The following PDE1C variants were observed in gnomAD, a reference collection of about 807,000 sequenced individuals.
PDE1C encodes the protein dual specificity calcium/calmodulin-dependent 3',5'-cyclic nucleotide phosphodiesterase 1C.
A neutral mutation model predicts 93.1 loss-of-function variants in PDE1C; 62 were observed. That is an observed-to-expected ratio of 0.67 (90% CI 0.54 to 0.82). The LOEUF (loss-of-function observed/expected upper bound fraction) is 0.82. Among genes scored for constraint, PDE1C ranks in the 40% least tolerant of loss-of-function variants. The pLI, the probability that PDE1C is intolerant of heterozygous loss-of-function variation, is 0.00. For synonymous variants in PDE1C, 325 were observed against 310.1 expected, an observed-to-expected ratio of 1.05 and a Z score of -0.50; for missense variants, 742 against 884.6, an observed-to-expected ratio of 0.84 and a Z score of 2.04.
chr7:32,321,467 C>G (rs1288809801), intron 1 of PDE1C, among the ~76,000 whole-genome samples: 1 of 152,184 alleles, frequency 6.6e-6, no homozygotes, highest in Non-Finnish European at 1.5e-5. Flanking sequence ...ATGCCCCTTA[C>G]TTTTGGGTGG....
the PDE1C span, among the ~76,000 whole-genome samples, chr7:31,625,865 A>C: frequency 1.3e-5 from 2 of 152,120 alleles, no homozygotes. Flanking sequence ...ATAAATGCTT[A>C]AAATAAAGTG....
chr7:32,247,203 T>C (rs1215459381), intron 1 of PDE1C, among the ~76,000 whole-genome samples: 1 of 152,192 alleles, frequency 6.6e-6, no homozygotes, highest in Non-Finnish European at 1.5e-5. Flanking sequence ...TTCATGAACA[T>C]GGCATGTTTG....
chr7:31,695,564 CA>C, the PDE1C span: 203 of 1,611,916 alleles, frequency 1.3e-4, no homozygotes, highest in Admixed American at 5.2e-4. Context: ...TGAGTCAGAC[CA>C]AAAAAAACCA....
the PDE1C span, among the ~76,000 whole-genome samples, chr7:31,680,998 A>G: frequency 3.3e-5 from 5 of 152,230 alleles, no homozygotes; most frequent in Non-Finnish European, 5.9e-5. Context: ...GACCTCAGGA[A>G]GTAGGGACCA....
At chr7:32,194,626 A>C in intron 2 of PDE1C, among the ~76,000 whole-genome samples, 1 of 152,160 alleles carries the variant, frequency 6.6e-6, no homozygotes, top group East Asian at 1.9e-4. Context: ...GGTTTCCTTC[A>C]ATTAATGTTT....
the PDE1C span, chr7:31,642,055 T>G: frequency 1.1e-4 from 58 of 545,230 alleles, no homozygotes; most frequent in Non-Finnish European, 1.6e-4. Context: ...TTGTTTTTTC[T>G]TCCACACAGT....
Position 31,964,151 on chromosome 7 carries a change from G to A in PDE1C, c.129-83291C>T, listed in dbSNP as rs117316815. Among the ~76,000 whole-genome samples, 65 of 152,352 alleles carry A rather than the reference G, an allele frequency of 4.3e-4. No individual in the cohort carries two copies. In the East Asian group the frequency reaches 9.7e-3, roughly 23 times the overall value. On this transcript the variant is annotated intron_variant, in intron 2 of 17. Coordinates refer to ENST00000396191, the MANE Select transcript of PDE1C (RefSeq NM_001191057.4). ...GCGCACCGTGCGTGAGCCAAAGCACGGCAAAGCATCACCTCACCCGGGAAG... is the reference window on the plus strand; with the variant it reads ...GCGCACCGTGCGTGAGCCAAAGCACAGCAAAGCATCACCTCACCCGGGAAG...
At chr7:32,010,334 T>C (rs1018117314) in intron 2 of PDE1C, among the ~76,000 whole-genome samples, 1 of 152,188 alleles carries the variant, frequency 6.6e-6, no homozygotes, top group South Asian at 2.1e-4. Flanking sequence ...TCTTGAAACA[T>C]ACACACATGA....
chr7:31,707,418 G>T, the PDE1C span: 2 of 664,836 alleles, frequency 3.0e-6, no homozygotes, highest in African/African-American at 3.7e-5. Flanking sequence ...CTCCCCAGGA[G>T]ATGTATGCCA....
intron 2 of PDE1C, among the ~76,000 whole-genome samples, chr7:32,205,500 TGGACCAATCAGCACTCTGTAAAAC>T (rs1805371603): frequency 6.6e-6 from 1 of 152,020 alleles, no homozygotes; most frequent in Non-Finnish European, 1.5e-5. Context: ...CTCTGTAAAA[TGGACCAATCAGCACTCTGTAAAAC>T]GGACCAATCA....
At chr7:31,819,134 A>C (rs947891753) in intron 14 of PDE1C, among the ~76,000 whole-genome samples, 1 of 152,092 alleles carries the variant, frequency 6.6e-6, no homozygotes, top group Non-Finnish European at 1.5e-5. Flanking sequence ...TCTCTACAGC[A>C]ATCATGTTCC....
At chr7:32,364,482 G>A (rs1050339981) in intron 1 of PDE1C, among the ~76,000 whole-genome samples, 5 of 152,136 alleles carry the variant, frequency 3.3e-5, no homozygotes, top group East Asian at 3.9e-4. Flanking sequence ...GAGCCAGGAC[G>A]GACTTCTCAT....
chr7:32,292,817 C>T (rs1812415405), intron 1 of PDE1C, among the ~76,000 whole-genome samples: 1 of 152,230 alleles, frequency 6.6e-6, no homozygotes, highest in Admixed American at 6.5e-5. Context: ...CCACCACTCC[C>T]AACTTCCCCA....
At chr7:31,744,924 C>T in the PDE1C span, among the ~76,000 whole-genome samples, 1 of 152,188 alleles carries the variant, frequency 6.6e-6, no homozygotes, top group Non-Finnish European at 1.5e-5. Context: ...TTCCTCTCTT[C>T]ACCAGGGATT....
At chr7:31,680,021 CAGAG>C in the PDE1C span, among the ~76,000 whole-genome samples, 1 of 152,176 alleles carries the variant, frequency 6.6e-6, no homozygotes, top group South Asian at 2.1e-4. Flanking sequence ...AACCAGCAAC[CAGAG>C]AGTGTCCGGA....
chr7:32,120,224 G>A (rs1206601386), intron 3 of PDE1C, among the ~76,000 whole-genome samples: 1 of 152,184 alleles, frequency 6.6e-6, no homozygotes, highest in Non-Finnish European at 1.5e-5. Context: ...GAGGCTCAGG[G>A]ACAGAACCCT....
chr7:31,907,799 A>T (rs887592699), intron 2 of PDE1C, among the ~76,000 whole-genome samples: 4 of 152,192 alleles, frequency 2.6e-5, no homozygotes, highest in Non-Finnish European at 5.9e-5. Flanking sequence ...TCTGTGCAGA[A>T]GTTCTTTGGG....
the PDE1C span, among the ~76,000 whole-genome samples, chr7:31,636,732 TTTA>T: frequency 2.0e-5 from 3 of 151,804 alleles, no homozygotes; most frequent in Non-Finnish European, 2.9e-5. Flanking sequence ...TTTTAAAAAT[TTTA>T]TTATTATTAT....
chr7:31,629,936 T>C, the PDE1C span, among the ~76,000 whole-genome samples: 3 of 152,266 alleles, frequency 2.0e-5, no homozygotes, highest in South Asian at 4.1e-4. Context: ...TTGTAAAATA[T>C]ACAAACATGA....
Sources: allele counts gnomAD v4.1 joint callset (sites outside exome capture counted in the v4.1 genomes callset), GRCh38; gene constraint gnomAD v4.1.1; transcripts MANE v1.5; gene names NCBI Gene and HGNC (gene_info 2026-07-23, HGNC 2026-07-21).